The following PDE1A variants were observed in gnomAD, a reference collection of about 807,000 sequenced individuals.
The protein encoded by PDE1A is dual specificity calcium/calmodulin-dependent 3',5'-cyclic nucleotide phosphodiesterase 1A.
PDE1A carries 35 observed loss-of-function variants against 61.7 expected under a neutral mutation model. The ratio of observed to expected loss-of-function variants is 0.57; its 90% CI spans 0.43 to 0.75. PDE1A has a LOEUF of 0.75. Ranked by LOEUF, PDE1A falls within the 30% of genes least tolerant of loss-of-function variation. PDE1A has a pLI of 0.00. For missense variants in PDE1A, 597 were observed against 630.6 expected (o/e 0.95, Z 0.57); for synonymous variants, 232 against 213.2 (o/e 1.09, Z -0.77).
At chr2:182,324,353 T>A (rs1241262916) in intron 1 of PDE1A, among the ~76,000 whole-genome samples, 1 of 151,690 alleles carries the variant, frequency 6.6e-6, no homozygotes, top group Non-Finnish European at 1.5e-5. Flanking sequence ...AGATAATCGA[T>A]GTATACAAAT....
the PDE1A span, among the ~76,000 whole-genome samples, chr2:182,534,634 G>A: frequency 6.7e-6 from 1 of 150,176 alleles, no homozygotes; most frequent in African/African-American, 2.4e-5. Context: ...TTCTTTTCTA[G>A]GGATCACAAT....
chr2:182,706,688 C>T, the PDE1A span, among the ~76,000 whole-genome samples: 1 of 151,350 alleles, frequency 6.6e-6, no homozygotes, highest in South Asian at 2.1e-4. Context: ...GCAGAAGTTG[C>T]AAAAAACAAA....
At chr2:182,387,760 A>C (rs950966897) in intron 1 of PDE1A, among the ~76,000 whole-genome samples, 8 of 150,844 alleles carry the variant, frequency 5.3e-5, no homozygotes, top group Non-Finnish European at 1.2e-4. Context: ...TCCATCTTAA[A>C]AAAAAAAAAG....
chr2:182,150,006 A>G (rs1690692794), intron 13 of PDE1A, among the ~76,000 whole-genome samples: 1 of 152,178 alleles, frequency 6.6e-6, no homozygotes, highest in African/African-American at 2.4e-5. Flanking sequence ...ATGCTCCATT[A>G]ATGCATTAAA....
chr2:182,266,016 T>C (rs1692609741), intron 1 of PDE1A, among the ~76,000 whole-genome samples: 1 of 152,138 alleles, frequency 6.6e-6, no homozygotes, highest in Non-Finnish European at 1.5e-5. Flanking sequence ...GCAAAGGTAT[T>C]TGACATTTCT....
At chr2:182,145,320 T>TC (rs1690437127), downstream of PDE1A, among the ~76,000 whole-genome samples, 1 of 152,038 alleles carries the variant, frequency 6.6e-6, no homozygotes, top group Non-Finnish European at 1.5e-5. Flanking sequence ...GGCAGGGCTT[T>TC]CTCAAACTGA....
chr2:182,291,198 C>T (rs1260093631), intron 1 of PDE1A, among the ~76,000 whole-genome samples: 1 of 152,068 alleles, frequency 6.6e-6, no homozygotes, highest in Non-Finnish European at 1.5e-5. Context: ...CTAGGCAATC[C>T]TTCATGTACA....
chr2:182,403,662 G>T (rs867417485), intron 1 of PDE1A, among the ~76,000 whole-genome samples: 6 of 151,438 alleles, frequency 4.0e-5, no homozygotes, highest in Non-Finnish European at 7.4e-5. Context: ...GCCATAAAAG[G>T]GATGAGTTCA....
the PDE1A span, among the ~76,000 whole-genome samples, chr2:182,542,978 A>C: frequency 6.6e-6 from 1 of 152,184 alleles, no homozygotes; most frequent in African/African-American, 2.4e-5. Context: ...CCTTGCTTCC[A>C]CATCTCGTTT....
At chr2:182,156,797 G>A (rs1402408357) in intron 13 of PDE1A, among the ~76,000 whole-genome samples, 1 of 152,118 alleles carries the variant, frequency 6.6e-6, no homozygotes, top group East Asian at 1.9e-4. Flanking sequence ...GGATTTCAAA[G>A]TAAAGGGCTG....
At chr2:182,696,092 C>G in the PDE1A span, among the ~76,000 whole-genome samples, 1 of 152,174 alleles carries the variant, frequency 6.6e-6, no homozygotes, top group Non-Finnish European at 1.5e-5. Context: ...GTCATAAGAT[C>G]CAGCAATTGC....
chr2:182,425,006 T>C (rs1703519483), intron 1 of PDE1A, among the ~76,000 whole-genome samples: 1 of 152,198 alleles, frequency 6.6e-6, no homozygotes, highest in African/African-American at 2.4e-5. Flanking sequence ...TTTACATAAA[T>C]AAGCACAGAA....
At chr2:182,587,249 T>C in the PDE1A span, among the ~76,000 whole-genome samples, 1 of 152,184 alleles carries the variant, frequency 6.6e-6, no homozygotes, top group Non-Finnish European at 1.5e-5. Context: ...AGCTATGACC[T>C]TGCTCCTCAG....
At chr2:182,154,228 A>T (rs1690941914) in intron 13 of PDE1A, among the ~76,000 whole-genome samples, 1 of 152,142 alleles carries the variant, frequency 6.6e-6, no homozygotes, top group Admixed American at 6.6e-5. Flanking sequence ...ACATAAATCC[A>T]TTTCTGTGCC....
intron 2 of PDE1A, among the ~76,000 whole-genome samples, chr2:182,475,588 G>C (rs10497604): frequency 1.2e-4 from 18 of 151,682 alleles, no homozygotes; most frequent in South Asian, 4.1e-4. Flanking sequence ...TAGGGTTATA[G>C]TTTTTGTGAC....
At chr2:182,293,668 A>G (rs1408270061) in intron 1 of PDE1A, among the ~76,000 whole-genome samples, 2 of 152,204 alleles carry the variant, frequency 1.3e-5, no homozygotes, top group African/African-American at 4.8e-5. Flanking sequence ...ACATGTGATG[A>G]CATTTAATTT....
At chr2:182,707,447 C>T in the PDE1A span, among the ~76,000 whole-genome samples, 2 of 152,032 alleles carry the variant, frequency 1.3e-5, no homozygotes, top group African/African-American at 4.8e-5. Flanking sequence ...AAGAATGAAA[C>T]AGGAATATTA....
At chr2:182,712,744 G>C in the PDE1A span, among the ~76,000 whole-genome samples, 1 of 152,014 alleles carries the variant, frequency 6.6e-6, no homozygotes, top group Non-Finnish European at 1.5e-5. Flanking sequence ...TTTTTGTAGA[G>C]ATGGGGTTTC....
intron 1 of PDE1A, among the ~76,000 whole-genome samples, chr2:182,383,021 A>AC (rs1449331093): frequency 6.6e-6 from 1 of 152,080 alleles, no homozygotes; most frequent in Non-Finnish European, 1.5e-5. Flanking sequence ...ATACGTTAAA[A>AC]CCCCAATTAA....
Sources: gnomAD v4.1 joint callset for allele counts (sites outside exome capture counted in the v4.1 genomes callset) on GRCh38, gnomAD v4.1.1 for gene constraint, MANE v1.5 for transcripts, NCBI Gene and HGNC (gene_info 2026-07-23, HGNC 2026-07-21) for gene names.